NEK3: variants seen among roughly 807,000 people sequenced by gnomAD.
NEK3 encodes the protein serine/threonine-protein kinase Nek3.
Under a neutral mutation model 66.0 loss-of-function variants are expected in NEK3, and 54 were observed. That is an observed-to-expected ratio of 0.82 (90% CI 0.66 to 1.03). NEK3 has a LOEUF of 1.03. NEK3 is among the 50% of genes least tolerant of loss of function. The pLI, the probability that NEK3 is intolerant of heterozygous loss-of-function variation, is 0.00. For missense variants in NEK3, 593 were observed against 603.0 expected, an observed-to-expected ratio of 0.98 and a Z score of 0.17; for synonymous variants, 200 against 206.2, an observed-to-expected ratio of 0.97 and a Z score of 0.26.
At chr13:52,141,247 C>CA (rs1458047592) in intron 10 of NEK3, among the ~76,000 whole-genome samples, 178 bp from the exon 11 acceptor site, 1 of 152,164 alleles carries the variant, frequency 6.6e-6, no homozygotes, top group Non-Finnish European at 1.5e-5. Context: ...TAATACATCT[C>CA]AGTTATTGAA....
Position 52,152,651 on chromosome 13 carries a change from G to A in NEK3, c.351C>T (p.His117=). The A allele has an allele frequency of 6.2e-7, 1 of 1,610,858 alleles. No individual in the cohort carries two copies. The highest frequency in any genetic ancestry group is 1.7e-4 in the Middle Eastern group (1 of 6,044). ...WFTQMCLGVN[H]IHKKRVLHRD... is the part of the protein sequence containing the mutation. ...TGTGTAGCACACGTTTCTTGTGAAT[G>A]TGATTTACTCCAAGGCACATTTGGG... is the stretch of plus-strand genomic sequence containing the variant. The change falls in exon 5 of 16, where the codon CAC becomes CAT. Residue 117 remains histidine, a synonymous_variant. Transcript: ENST00000610828.
At chr13:52,133,870 A>T (rs1956179498) in intron 14 of NEK3, 55 bp from the exon 15 acceptor site, 1 of 1,523,766 alleles carries the variant, frequency 6.6e-7, no homozygotes, top group Admixed American at 2.0e-5. Flanking sequence ...TACTTATTTC[A>T]TGCAGTTTGA....
intron 10 of NEK3, among the ~76,000 whole-genome samples, 158 bp downstream of exon 10, chr13:52,143,757 C>T (rs1319608437): frequency 1.3e-5 from 2 of 152,106 alleles, no homozygotes; most frequent in East Asian, 1.9e-4. Flanking sequence ...AAAAAGTATT[C>T]AGTACAGAAT....
Position 52,141,026 on chromosome 13 carries a change from G to A in NEK3, c.921C>T (p.Ser307=). ...RIRIALGNEA[S]TVQEEEQDRK... ...GTAATTTTAAAGCACTTACCACTGT[G>A]CTTGCTTCATTTCCCAAAGCTATCC... The change falls in exon 11 of 16, where the codon AGC becomes AGT. Residue 307 remains serine, a synonymous_variant. Transcript: ENST00000610828. 2.5e-6 allele frequency: 4 copies of A among 1,595,896 alleles called. No individual in the cohort carries two copies. Among genetic ancestry groups the A allele is most frequent in the Non-Finnish European group, 3.4e-6 (4 of 1,170,916 alleles).
chr13:52,144,096 T>G (rs1852069352), intron 9 of NEK3, 109 bp from the exon 10 acceptor site: 2 of 677,254 alleles, frequency 3.0e-6, no homozygotes, highest in South Asian at 3.8e-5. Context: ...TATTTCAAGT[T>G]GAAAAACAAA....
chr13:52,157,202 T>C (rs1265688874), intron 1 of NEK3: 1 of 152,180 alleles, frequency 6.6e-6, no homozygotes, highest in Non-Finnish European at 1.5e-5. Flanking sequence ...TTCACTCAGA[T>C]TGCAGATTAA....
In NEK3 at chr13:52,141,019, C is replaced by T. The variant is rs748071402; in HGVS notation, c.927+1G>A. On this transcript the variant is annotated splice_donor_variant, in intron 11 of 15. Transcript: ENST00000610828. LOFTEE classifies it high-confidence loss of function. ...CATAAAAGTAATTTTAAAGCACTTA[C>T]CACTGTGCTTGCTTCATTTCCCAAA... 6.3e-7 allele frequency: 1 copy of T among 1,591,900 alleles called. No individual in the cohort carries two copies. The highest frequency in any genetic ancestry group is 2.3e-5 in the East Asian group (1 of 44,342).
intron 2 of NEK3, among the ~76,000 whole-genome samples, chr13:52,155,549 T>G (rs956201678): frequency 2.6e-5 from 4 of 152,232 alleles, no homozygotes; most frequent in African/African-American, 7.2e-5. Context: ...AAACTTTTAC[T>G]GTTTTTCTCC....
chr13:52,152,819 T>C, intron 4 of NEK3, 127 bp from the exon 5 acceptor site: 2 of 549,742 alleles, frequency 3.6e-6, no homozygotes, highest in East Asian at 3.0e-5. Flanking sequence ...ACAGAACTCC[T>C]ATAAATTACA....
intron 15 of NEK3, 37 bp downstream of exon 15, chr13:52,133,646 CCCCCAA>C: frequency 6.5e-7 from 1 of 1,538,506 alleles, no homozygotes; most frequent in Non-Finnish European, 8.8e-7. Context: ...CACACACACA[CCCCCAA>C]CCCCAGCTAC....
chr13:52,139,425 G>A (rs1956229962), intron 11 of NEK3, among the ~76,000 whole-genome samples: 2 of 152,198 alleles, frequency 1.3e-5, no homozygotes, highest in South Asian at 2.1e-4. Context: ...CTGCAGTGGT[G>A]GAAGAGGGAG....
At chr13:52,152,738 C>T (rs370891866) in intron 4 of NEK3, 46 bp from the exon 5 acceptor site, 8 of 1,236,450 alleles carry the variant, frequency 6.5e-6, no homozygotes, top group Non-Finnish European at 8.3e-6. Context: ...CAGTAACTGG[C>T]TCATGTTAAC....
At chr13:52,157,507 T>C (rs1308239521) in intron 1 of NEK3, 1 of 152,282 alleles carries the variant, frequency 6.6e-6, no homozygotes, top group Non-Finnish European at 1.5e-5. Context: ...TGGTTTTTTG[T>C]TTGTGTGATT....
At chr13:52,133,640 CA>C in intron 15 of NEK3, 48 bp downstream of exon 15, 5 of 1,544,558 alleles carry the variant, frequency 3.2e-6, no homozygotes, top group Non-Finnish European at 3.5e-6. Flanking sequence ...CACACACACA[CA>C]CACACCCCCA....
At chr13:52,142,045 C>G (rs1956255162) in intron 10 of NEK3, among the ~76,000 whole-genome samples, 2 of 151,864 alleles carry the variant, frequency 1.3e-5, no homozygotes, top group Admixed American at 1.3e-4. Flanking sequence ...TGAGACTGCA[C>G]CACTGCAGTC....
intron 7 of NEK3, among the ~76,000 whole-genome samples, chr13:52,150,068 T>C (rs1268845510): frequency 6.6e-6 from 1 of 152,180 alleles, no homozygotes; most frequent in African/African-American, 2.4e-5. Context: ...AATAAGTCCC[T>C]GTAGAGCTGT....
intron 1 of NEK3, among the ~76,000 whole-genome samples, chr13:52,157,907 C>A (rs1479407618): frequency 6.6e-6 from 1 of 152,202 alleles, no homozygotes; most frequent in African/African-American, 2.4e-5. Flanking sequence ...GACGGAGTCT[C>A]GCTCCTGTTG....
rs1956357171 is a variant in NEK3, at chr13:52,152,619, A to AT, written c.382dup (p.Ile128AsnfsTer53). The AT allele has an allele frequency of 6.2e-7, 1 of 1,600,888 alleles. No individual in the cohort carries two copies. The highest frequency in any genetic ancestry group is 8.5e-7 in the Non-Finnish European group (1 of 1,173,840). ...ATGTACTCCACTCACCTTGGACTTG[A>AT]TATCTCTGTGTAGCACACGTTTCTT... On this transcript the variant is annotated frameshift_variant, in exon 5 of 16. Transcript: ENST00000610828. LOFTEE classifies it high-confidence loss of function.
intron 4 of NEK3, 69 bp from the exon 5 acceptor site, chr13:52,152,761 A>C: frequency 1.0e-6 from 1 of 1,000,482 alleles, no homozygotes; most frequent in Non-Finnish European, 1.6e-6. Context: ...ACAATTCCAA[A>C]GAATCATCTC....
Sources: gnomAD v4.1 joint callset for allele counts (sites outside exome capture counted in the v4.1 genomes callset) on GRCh38, gnomAD v4.1.1 for gene constraint, MANE v1.5 for transcripts, NCBI Gene and HGNC (gene_info 2026-07-23, HGNC 2026-07-21) for gene names.